COL6A2: variants seen among roughly 807,000 people sequenced by gnomAD.
COL6A2 encodes the protein collagen alpha-2(VI) chain.
In COL6A2, 90 loss-of-function variants were observed where a neutral mutation model predicts 124.9. That is an observed-to-expected ratio of 0.72 (90% CI 0.61 to 0.86). The LOEUF (loss-of-function observed/expected upper bound fraction) is 0.86, where lower values mean the gene tolerates loss of function less well. Ranked by LOEUF, COL6A2 falls within the 40% of genes least tolerant of loss-of-function variation. The pLI, the probability that COL6A2 is intolerant of heterozygous loss-of-function variation, is 0.00. For synonymous variants in COL6A2, 793 were observed against 618.2 expected, an observed-to-expected ratio of 1.28 and a Z score of -4.19; for missense variants, 1,607 against 1,502.5, an observed-to-expected ratio of 1.07 and a Z score of -1.15.
Position 46,112,459 on chromosome 21 carries a change from A to G in COL6A2, c.596A>G (p.Gln199Arg), listed in dbSNP as rs886044068. The G allele has an allele frequency of 2.5e-6, 4 of 1,610,566 alleles. No individual in the cohort carries two copies. The African/African-American group carries it at 5.3e-5, about 22-fold the overall frequency. ...GCCCCCAACCAGAACCTGAAGGAGC[A>G]GGGCCTGCGGGACATCGCCAGCACG... ...AVAPNQNLKE[Q>R]GLRDIASTPH... Residue 199 changes from glutamine (Q) to arginine (R), a missense_variant, in exon 3 of 28, where the codon CAG becomes CGG. Gln to Arg is a conservative substitution (Grantham distance 43, BLOSUM62 1). Around this residue, in one of 3 missense-constraint regions of COL6A2, gnomAD observed 342 missense variants for 381.5 expected, o/e 0.90. Coordinates refer to ENST00000300527, the MANE Select transcript of COL6A2 (RefSeq NM_001849.4).
Position 46,125,595 on chromosome 21 carries a change from T to C in COL6A2, c.1947T>C (p.Ala649=), listed in dbSNP as rs751668448. 71 of 1,611,420 alleles carry C rather than the reference T, an allele frequency of 4.4e-5. No individual in the cohort carries two copies. Among genetic ancestry groups the C allele is most frequent in the Non-Finnish European group, 5.8e-5 (68 of 1,179,712 alleles). The part of the protein sequence containing the change: ...INVVNRLGAI[A]KDPKSETGTR... Reference sequence around the variant, plus strand: ...TGGTCAACAGGCTGGGTGCCATCGCTAAGGACCCCAAGTCCGAGACAGGTC... The same window carrying C: ...TGGTCAACAGGCTGGGTGCCATCGCCAAGGACCCCAAGTCCGAGACAGGTC... Residue 649 remains alanine, a synonymous_variant, in exon 25 of 28, where the codon GCT becomes GCC. Transcript: ENST00000300527.
chr21:46,130,630 C>T (rs974759853), intron 27 of COL6A2, among the ~76,000 whole-genome samples: 2 of 152,228 alleles, frequency 1.3e-5, no homozygotes, highest in African/African-American at 2.4e-5. Context: ...CCGTCTCCTC[C>T]AGGCCCCACA....
intron 27 of COL6A2, among the ~76,000 whole-genome samples, chr21:46,131,611 C>G (rs940037951): frequency 1.3e-5 from 2 of 152,130 alleles, no homozygotes; most frequent in Non-Finnish European, 2.9e-5. Context: ...TTGTGGGCAG[C>G]AAATTCTTGA....
At chr21:46,114,626 T>C (rs1404440083) in intron 5 of COL6A2, among the ~76,000 whole-genome samples, 2 of 152,172 alleles carry the variant, frequency 1.3e-5, no homozygotes, top group African/African-American at 2.4e-5. Flanking sequence ...GTAAGTAAAA[T>C]GTGAGATGCA....
chr21:46,124,785 C>G (rs1043982297), intron 22 of COL6A2, 72 bp downstream of exon 22: 2 of 1,601,114 alleles, frequency 1.2e-6, no homozygotes, highest in Admixed American at 3.3e-5. Flanking sequence ...CCTCGTGGTT[C>G]TGCCCACGGT....
chr21:46,114,016 G>C lies in COL6A2; in HGVS notation c.744G>C (p.Lys248Asn). 1 of 1,613,884 alleles carries C rather than the reference G, an allele frequency of 6.2e-7. No homozygotes were observed. The highest frequency in any genetic ancestry group is 8.5e-7 in the Non-Finnish European group (1 of 1,179,978). Residue 248 changes from lysine (K) to asparagine (N), a missense_variant, in exon 5 of 28, where the codon AAG (lysine) becomes AAC (asparagine). Lys to Asn is a moderately conservative substitution (Grantham distance 94). Transcript: ENST00000300527. Reference protein sequence around the residue: ...MKHEAYGECYKVSCLEIPGPS... With the variant: ...MKHEAYGECYNVSCLEIPGPS... Reference sequence around the variant, plus strand: ...CTGCTTCCTCGTTTCAGTGCTACAAGGTGAGCTGCCTGGAAATCCCTGGGC... The same window carrying C: ...CTGCTTCCTCGTTTCAGTGCTACAACGTGAGCTGCCTGGAAATCCCTGGGC...
chr21:46,111,428 G>A, intron 1 of COL6A2, 22 bp from the exon 2 acceptor site: 1 of 1,442,628 alleles, frequency 6.9e-7, no homozygotes. Context: ...GGGTGTCTGA[G>A]CGACCCCCAC....
intron 1 of COL6A2, among the ~76,000 whole-genome samples, chr21:46,108,160 A>C (rs2078356329): frequency 6.6e-6 from 1 of 151,494 alleles, no homozygotes; most frequent in Admixed American, 6.6e-5. Flanking sequence ...CTGGGTAGAC[A>C]ATCCTATCTT....
chr21:46,107,214 AAG>A (rs2078343413), intron 1 of COL6A2, among the ~76,000 whole-genome samples: 2 of 152,144 alleles, frequency 1.3e-5, no homozygotes, highest in Admixed American at 1.3e-4. Context: ...TAACTGATAG[AAG>A]AAAATCAATA....
chr21:46,122,044 A>C, intron 18 of COL6A2, 64 bp from the exon 19 acceptor site: 1 of 1,555,892 alleles, frequency 6.4e-7, no homozygotes. Flanking sequence ...CGCCCTGTTG[A>C]GCACAGCCCC....
rs1161724531 is a variant in COL6A2, at chr21:46,116,799, G to A, written c.984G>A (p.Gly328=). 2 of 1,612,950 alleles carry A rather than the reference G, an allele frequency of 1.2e-6. No homozygotes were observed. Among genetic ancestry groups the A allele is most frequent in the East Asian group, 4.5e-5 (2 of 44,872 alleles). Residue 328 remains glycine, a synonymous_variant, in exon 10 of 28, where the codon GGG becomes GGA. Transcript: ENST00000300527. This position sits in a 1 kb window ranked among gnomAD's most constrained non-coding sequence, Gnocchi z 4.6. ...CCCCTGGCCTGGCTGGCAAGAACGG[G>A]ACCGATGGACAGAAGGTAGAGGGAG... is the stretch of plus-strand genomic sequence containing the variant. ...KGAPGLAGKN[G]TDGQKGKLGR...
chr21:46,117,751 C>T, intron 11 of COL6A2, 123 bp from the exon 12 acceptor site: 1 of 825,948 alleles, frequency 1.2e-6, no homozygotes. Context: ...GTCACTGAGC[C>T]TGGGCCTCAC....
chr21:46,122,665 C>T, intron 20 of COL6A2, 134 bp downstream of exon 20: 1 of 1,094,488 alleles, frequency 9.1e-7, no homozygotes, highest in South Asian at 1.3e-5. Flanking sequence ...CAAGGCCCAG[C>T]CATGTCACCT....
At chr21:46,118,986 G>C in intron 13 of COL6A2, 44 bp from the exon 14 acceptor site, 1 of 1,454,880 alleles carries the variant, frequency 6.9e-7, no homozygotes, top group East Asian at 2.3e-5. Context: ...CCATGCCTCA[G>C]GGCCCCTGCC....
chr21:46,132,106 C>T lies in COL6A2; in HGVS notation c.2614C>T (p.Pro872Ser), dbSNP rs1228163562. The change falls in exon 28 of 28, where the codon CCT (proline) becomes TCT (serine). Residue 872 changes from proline (P) to serine (S), a missense_variant. Pro to Ser is a moderately conservative substitution (Grantham distance 74). Coordinates refer to ENST00000300527, the MANE Select transcript of COL6A2 (RefSeq NM_001849.4). Reference protein sequence around the residue: ...RLTLARRDDDPLNARVALLQF... With the variant: ...RLTLARRDDDSLNARVALLQF... ...GACGCTGGCCCGGAGGGACGACGAC[C>T]CTCTCAACGCACGCGTGGCGCTGCT... 5.7e-6 allele frequency: 9 copies of T among 1,591,056 alleles called. No individual in the cohort carries two copies. Among genetic ancestry groups the T allele is most frequent in the Middle Eastern group, 1.6e-4 (1 of 6,066 alleles).
intron 27 of COL6A2, among the ~76,000 whole-genome samples, chr21:46,127,632 C>A (rs1398587838): frequency 6.6e-6 from 1 of 152,144 alleles, no homozygotes; most frequent in Non-Finnish European, 1.5e-5. Flanking sequence ...CTTGGCTCCT[C>A]CACCCACCCC....
intron 20 of COL6A2, 113 bp downstream of exon 20, chr21:46,122,644 T>G: frequency 7.9e-7 from 1 of 1,271,072 alleles, no homozygotes; most frequent in South Asian, 1.2e-5. Flanking sequence ...CTTGAGATGG[T>G]CCTGGCTCCC....
rs907966085 is a variant in COL6A2, at chr21:46,132,495, CTAT to C, written c.3004_3006del (p.Tyr1002del). ...GCGCCGCCGTGTTCCACGAGAAGGA[CTAT>C]GACAGCCTGGCGCAACCCGGCTTCT... On this transcript the variant is annotated inframe_deletion, in exon 28 of 28. Coordinates refer to ENST00000300527, the MANE Select transcript of COL6A2 (RefSeq NM_001849.4). 1 of 1,607,984 alleles carries C rather than the reference CTAT, an allele frequency of 6.2e-7. No individual in the cohort carries two copies. The highest frequency in any genetic ancestry group is 1.3e-5 in the African/African-American group (1 of 74,920).
intron 18 of COL6A2, 115 bp downstream of exon 18, chr21:46,121,733 C>A: frequency 1.0e-6 from 1 of 977,532 alleles, no homozygotes; most frequent in Non-Finnish European, 1.6e-6. Context: ...TCAGGACGGG[C>A]CTGTGCCTCC....
Sources: gnomAD v4.1 joint callset for allele counts (sites outside exome capture counted in the v4.1 genomes callset) on GRCh38, gnomAD v4.1.1 for gene constraint, gnomAD v4.1.1 regional missense constraint, Gnocchi (gnomAD v3.1) non-coding constraint, MANE v1.5 for transcripts, NCBI Gene and HGNC (gene_info 2026-07-23, HGNC 2026-07-21) for gene names.